The following HUNK variants were observed in gnomAD, a reference collection of about 807,000 sequenced individuals.
HUNK encodes the protein hormonally up-regulated Neu-associated kinase, also known as hormonally up-regulated neu tumor-associated kinase.
In HUNK, 21 loss-of-function variants were observed where a neutral mutation model predicts 61.0. That is an observed-to-expected ratio of 0.34 (90% confidence interval 0.24 to 0.50). HUNK has a LOEUF of 0.50. Among genes scored for constraint, HUNK ranks in the 20% least tolerant of loss-of-function variants. The pLI, the probability that HUNK is intolerant of heterozygous loss-of-function variation, is 0.98. For missense variants in HUNK, 772 were observed against 945.7 expected, an observed-to-expected ratio of 0.82 and a Z score of 2.41; for synonymous variants, 371 against 386.1, an observed-to-expected ratio of 0.96 and a Z score of 0.46.
At chr21:31,993,788 C>T (rs1214787460) in intron 9 of HUNK, among the ~76,000 whole-genome samples, 2 of 152,146 alleles carry the variant, frequency 1.3e-5, no homozygotes, top group Non-Finnish European at 2.9e-5. Flanking sequence ...TGGCTTCAAC[C>T]AAGGTGACCT....
chr21:31,955,972 T>G (rs1426158964), intron 4 of HUNK, among the ~76,000 whole-genome samples: 2 of 152,200 alleles, frequency 1.3e-5, no homozygotes, highest in African/African-American at 4.8e-5. Flanking sequence ...TCTGTTGAAA[T>G]ATGAGGTCTT....
At chr21:31,960,121 G>A (rs75633282) in intron 5 of HUNK, among the ~76,000 whole-genome samples, 3,585 of 152,328 alleles carry the variant, frequency 0.024, 133 homozygotes, top group African/African-American at 0.08. Context: ...ACTCTGAGGT[G>A]TGCCCATTCA....
At chr21:31,978,978 T>A (rs2053071279) in intron 7 of HUNK, among the ~76,000 whole-genome samples, 1 of 152,192 alleles carries the variant, frequency 6.6e-6, no homozygotes, top group South Asian at 2.1e-4. Flanking sequence ...CTCCACATCC[T>A]CTCCAACATG....
At chr21:31,988,871 A>G (rs1456127387) in intron 8 of HUNK, among the ~76,000 whole-genome samples, 2 of 144,060 alleles carry the variant, frequency 1.4e-5, no homozygotes, top group Non-Finnish European at 3.0e-5. Context: ...CGGTTTCCAG[A>G]CCAAGCTGGA....
intron 9 of HUNK, among the ~76,000 whole-genome samples, chr21:31,994,265 C>T (rs2053189005): frequency 6.6e-6 from 1 of 152,188 alleles, no homozygotes; most frequent in Admixed American, 6.5e-5. Context: ...CAGGCCAGGG[C>T]CCTAGAGAGC....
chr21:31,876,320 G>C (rs892496642), intron 1 of HUNK, among the ~76,000 whole-genome samples: 2 of 152,144 alleles, frequency 1.3e-5, no homozygotes, highest in South Asian at 2.1e-4. Context: ...CAGGGATTGC[G>C]GGCATTGGGA....
At chr21:31,879,342 C>G (rs2052289141) in intron 1 of HUNK, among the ~76,000 whole-genome samples, 1 of 152,202 alleles carries the variant, frequency 6.6e-6, no homozygotes, top group African/African-American at 2.4e-5. Context: ...TTGGTGAGCC[C>G]TGTGTGACAA....
At chr21:31,897,445 TCCTC>T (rs2052432721) in intron 1 of HUNK, among the ~76,000 whole-genome samples, 1 of 152,190 alleles carries the variant, frequency 6.6e-6, no homozygotes, top group African/African-American at 2.4e-5. Flanking sequence ...TTGAAGGGCA[TCCTC>T]CCTCTGTCTT....
intron 4 of HUNK, among the ~76,000 whole-genome samples, chr21:31,951,383 G>C (rs974606944): frequency 6.6e-6 from 1 of 152,094 alleles, no homozygotes; most frequent in African/African-American, 2.4e-5. Flanking sequence ...TAATTGAAAA[G>C]AATCAAAATT....
In HUNK at chr21:31,919,152, G is replaced by T. The variant is rs139265898; in HGVS notation, c.262-5316G>T. Among the ~76,000 whole-genome samples the T allele has an allele frequency of 4.7e-3, 604 of 129,522 alleles. 6 individuals carry two copies. Among genetic ancestry groups the T allele is most frequent in the African/African-American group, 0.013 (440 of 32,612 alleles). The allele number at this position is 129,522 out of a possible 152,430, so 85.0% of individuals were successfully genotyped here. A position where few individuals can be genotyped will look rare whatever the true frequency, so the allele number is the denominator to read the frequency against. On this transcript the variant is annotated intron_variant, in intron 1 of 10. Coordinates refer to ENST00000270112, the MANE Select transcript of HUNK (RefSeq NM_014586.2). ...GGGGCTGGACTGAGCGGTATGAGGA[G>T]GAGGGGCTGGACTGAGCGGTATGAG... is the stretch of plus-strand genomic sequence containing the variant.
chr21:32,002,289 A>C lies in HUNK; in HGVS notation c.*3105A>C, dbSNP rs1287233695. 1 of 152,176 alleles carries C rather than the reference A, an allele frequency of 6.6e-6. No individual in the cohort carries two copies. The allele number at this position is 152,176 out of a possible 1,614,324, so 9.4% of individuals were successfully genotyped here. A position where few individuals can be genotyped will look rare whatever the true frequency, so the allele number is the denominator to read the frequency against. ...TATTTTGTAGAAATGGGGTTTCGCC[A>C]TGTTGCTCAGGCTGATCTCAAACTC... On this transcript the variant is annotated 3_prime_UTR_variant, in exon 11 of 11. Coordinates refer to ENST00000270112, the MANE Select transcript of HUNK (RefSeq NM_014586.2).
At chr21:31,978,269 A>G (rs531766376) in intron 7 of HUNK, among the ~76,000 whole-genome samples, 2 of 152,340 alleles carry the variant, frequency 1.3e-5, no homozygotes, top group African/African-American at 4.8e-5. Context: ...ACATTGTGGA[A>G]TGGCTAAATC....
intron 6 of HUNK, among the ~76,000 whole-genome samples, chr21:31,970,359 G>A (rs909596580): frequency 1.8e-4 from 27 of 152,166 alleles, no homozygotes; most frequent in African/African-American, 6.3e-4. Context: ...TAGAATTCTA[G>A]CATTTGGCTC....
Position 31,924,011 on chromosome 21 carries a change from G to C in HUNK, c.262-457G>C, listed in dbSNP as rs1024401843. ...AACCATGCCTTGGAACTAAGATTGG[G>C]GGAAGATTTAGCTGTTTCTGAAGTG... On this transcript the variant is annotated intron_variant, in intron 1 of 10. Coordinates refer to ENST00000270112, the MANE Select transcript of HUNK (RefSeq NM_014586.2). This position sits in a 1 kb window ranked among gnomAD's most constrained non-coding sequence, Gnocchi z 5.1. 6.6e-6 allele frequency among the ~76,000 whole-genome samples: 1 copy of C among 152,122 alleles called. No individual in the cohort carries two copies. The highest frequency in any genetic ancestry group is 2.4e-5 in the African/African-American group (1 of 41,418).
At chr21:31,927,589 A>G (rs1248560121) in intron 2 of HUNK, among the ~76,000 whole-genome samples, 2 of 151,890 alleles carry the variant, frequency 1.3e-5, no homozygotes, top group African/African-American at 4.8e-5. Flanking sequence ...GCTTGCAGTG[A>G]GCCGAGATCA....
intron 1 of HUNK, among the ~76,000 whole-genome samples, chr21:31,902,355 AC>A (rs1377094048): frequency 6.6e-6 from 1 of 152,140 alleles, no homozygotes; most frequent in Non-Finnish European, 1.5e-5. Context: ...TACTAAACAT[AC>A]AAAATTAGCC....
chr21:31,944,180 G>C (rs1254142037), intron 3 of HUNK, among the ~76,000 whole-genome samples: 1 of 152,220 alleles, frequency 6.6e-6, no homozygotes, highest in Non-Finnish European at 1.5e-5. Context: ...CTTGGGTTCA[G>C]GCAGTTCTCC....
intron 8 of HUNK, among the ~76,000 whole-genome samples, 182 bp from the exon 9 acceptor site, chr21:31,989,947 A>G (rs1008084153): frequency 2.6e-5 from 4 of 152,168 alleles, no homozygotes; most frequent in African/African-American, 9.7e-5. Flanking sequence ...TAGAAAATCT[A>G]TTCAGCACAC....
At chr21:31,970,187 C>T (rs2053000370) in intron 6 of HUNK, among the ~76,000 whole-genome samples, 1 of 152,158 alleles carries the variant, frequency 6.6e-6, no homozygotes, top group Admixed American at 6.5e-5. Context: ...CTTATGAAAG[C>T]AGAAGTGCTG....
Sources: gnomAD v4.1 joint callset for allele counts (sites outside exome capture counted in the v4.1 genomes callset) on GRCh38, gnomAD v4.1.1 for gene constraint, Gnocchi (gnomAD v3.1) non-coding constraint, MANE v1.5 for transcripts, NCBI Gene and HGNC (gene_info 2026-07-23, HGNC 2026-07-21) for gene names.